The following CD72 variants were observed in gnomAD, a reference collection of about 807,000 sequenced individuals.
CD72 encodes the protein CD72 molecule.
In CD72, 28 loss-of-function variants were observed where a neutral mutation model predicts 50.7. The ratio of observed to expected loss-of-function variants is 0.55; its 90% CI spans 0.41 to 0.76. The LOEUF is 0.76. Ranked by LOEUF, CD72 falls within the 30% of genes least tolerant of loss-of-function variation. CD72 has a pLI of 0.00. For missense variants in CD72, 403 were observed against 420.6 expected, an observed-to-expected ratio of 0.96 and a Z score of 0.37; for synonymous variants, 176 against 171.2, an observed-to-expected ratio of 1.03 and a Z score of -0.22.
At position 35,610,494 on chromosome 9, in the gene CD72, C is replaced by T. The variant is rs1822959507; in HGVS notation, c.*22+108G>A. On this transcript the variant is annotated intron_variant, in intron 8 of 8. Coordinates refer to ENST00000259633, the MANE Select transcript of CD72 (RefSeq NM_001782.3). ...CTGGAGGCTGTGGAGGAACTTTCAT[C>T]CCAGGTACAAGTTTTCTCTCGGGCC... The T allele has an allele frequency of 5.6e-6, 3 of 531,810 alleles. No homozygotes were observed. The Admixed American group carries it at 1.1e-4, about 19-fold the overall frequency. The allele number at this position is 531,810 out of a possible 1,614,324, so 32.9% of individuals were successfully genotyped here. A position where few individuals can be genotyped will look rare whatever the true frequency, so the allele number is the denominator to read the frequency against.
At chr9:35,621,176 G>C (rs1321400427), upstream of CD72, among the ~76,000 whole-genome samples, 1 of 152,352 alleles carries the variant, frequency 6.6e-6, no homozygotes, top group African/African-American at 2.4e-5. Context: ...TGAGGGGTCA[G>C]TGCTGTACAT....
upstream of CD72, among the ~76,000 whole-genome samples, chr9:35,619,345 C>A (rs1823120545): frequency 6.6e-6 from 1 of 152,108 alleles, no homozygotes; most frequent in Non-Finnish European, 1.5e-5. Flanking sequence ...CGGGATGTGA[C>A]CCCTACTAGG....
chr9:35,611,690 G>A (rs772623984), intron 7 of CD72, 114 bp downstream of exon 7: 22 of 636,544 alleles, frequency 3.5e-5, no homozygotes, highest in Non-Finnish European at 5.7e-5. Context: ...GGCAATTACA[G>A]TGTTGATTTA....
chr9:35,611,897 G>A lies in CD72; in HGVS notation c.857C>T (p.Ser286Leu). 1 of 1,599,566 alleles carries A rather than the reference G, an allele frequency of 6.3e-7. No homozygotes were observed. Among genetic ancestry groups the A allele is most frequent in the Non-Finnish European group, 8.6e-7 (1 of 1,166,682 alleles). Residue 286 changes from serine (S) to leucine (L), a missense_variant, in exon 7 of 9, where the codon TCA becomes TTA. Transcript: ENST00000259633. ...CCCTGAACCACCATTTGGCAACAGT[G>A]AATTTAAGAAGTAGTAAGAGTGCTG... ...PQSHSYYFLN[S>L]LLPNGGSGNS... is the part of the protein sequence containing the mutation.
intron 5 of CD72, among the ~76,000 whole-genome samples, chr9:35,614,973 G>A (rs1823044079): frequency 6.6e-6 from 1 of 152,070 alleles, no homozygotes. Context: ...CTGATGGGAA[G>A]GGAGAAAAAG....
At chr9:35,645,897 A>G (rs1823388139) in intron 1 of CD72, among the ~76,000 whole-genome samples, 2 of 151,668 alleles carry the variant, frequency 1.3e-5, no homozygotes, top group South Asian at 4.2e-4. Flanking sequence ...CGGTGGCTCA[A>G]GCCTGTAATC....
chr9:35,616,798 G>C, intron 3 of CD72, 109 bp from the exon 4 acceptor site: 2 of 1,067,592 alleles, frequency 1.9e-6, no homozygotes, highest in Non-Finnish European at 2.8e-6. Flanking sequence ...CCTAAGAGGA[G>C]GGCGGTGCAG....
chr9:35,632,182 C>CTT (rs376745957), intron 1 of CD72, among the ~76,000 whole-genome samples: 24 of 144,976 alleles, frequency 1.7e-4, no homozygotes, highest in South Asian at 6.5e-4. Context: ...ATTTTCTCCT[C>CTT]TTTTTTTTTT....
chr9:35,613,118 C>T (rs1823012436), intron 5 of CD72, 125 bp from the exon 6 acceptor site: 2 of 789,754 alleles, frequency 2.5e-6, no homozygotes, highest in Non-Finnish European at 4.1e-6. Context: ...ATGATCTTTG[C>T]AATCTTTCTT....
chr9:35,625,728 G>A (rs1823189996), intron 1 of CD72, among the ~76,000 whole-genome samples: 1 of 152,222 alleles, frequency 6.6e-6, no homozygotes, highest in South Asian at 2.1e-4. Flanking sequence ...TGGCTTTAAG[G>A]TGAAGCCAGT....
At chr9:35,611,757 G>A in intron 7 of CD72, 47 bp downstream of exon 7, 1 of 982,442 alleles carries the variant, frequency 1.0e-6, no homozygotes, top group Non-Finnish European at 1.7e-6. Context: ...TGTCTTTATG[G>A]AGGGGATTAT....
At chr9:35,643,614 C>T (rs1823359135) in intron 1 of CD72, 1 of 152,162 alleles carries the variant, frequency 6.6e-6, no homozygotes, top group South Asian at 2.1e-4. Flanking sequence ...AGATTGACTT[C>T]TTAGTGCCAC....
chr9:35,615,968 C>G lies in CD72; in HGVS notation c.663G>C (p.Lys221Asn), dbSNP rs1823057292. The G allele has an allele frequency of 6.2e-7, 1 of 1,613,680 alleles. No homozygotes were observed. Among genetic ancestry groups the G allele is most frequent in the Non-Finnish European group, 8.5e-7 (1 of 1,179,942 alleles). ...QKLSNMENRL[K>N]PFFTCGSADT... ...CTGCTGAGCCGCATGTGAAGAAGGG[C>G]TTCAGTCTGTTCTCCATGTTGCTCA... Residue 221 changes from lysine to asparagine, a missense_variant, in exon 5 of 9, where the codon AAG becomes AAC. Coordinates refer to ENST00000259633, the MANE Select transcript of CD72 (RefSeq NM_001782.3).
Position 35,615,948 on chromosome 9 carries a change from G to A in CD72, c.683C>T (p.Ser228Leu). 6.2e-7 allele frequency: 1 copy of A among 1,612,442 alleles called. No homozygotes were observed. Among genetic ancestry groups the A allele is most frequent in the Non-Finnish European group, 8.5e-7 (1 of 1,179,268 alleles). Residue 228 changes from serine (S) to leucine (L), a missense_variant, in exon 5 of 9, where the codon TCA becomes TTA. Transcript: ENST00000259633. Reference sequence around the variant, plus strand: ...CCTCTCCCCAGAGCGGATACCTGCTGAGCCGCATGTGAAGAAGGGCTTCAG... The same window carrying A: ...CCTCTCCCCAGAGCGGATACCTGCTAAGCCGCATGTGAAGAAGGGCTTCAG... ...NRLKPFFTCG[S>L]ADTCCPSGWI...
intron 1 of CD72, among the ~76,000 whole-genome samples, chr9:35,640,629 A>C (rs772370337): frequency 1.3e-5 from 2 of 152,246 alleles, no homozygotes; most frequent in Non-Finnish European, 2.9e-5. Flanking sequence ...ACCCTGCCGG[A>C]TCTGGAGGGA....
rs1563894928 is a variant in CD72, at chr9:35,613,750, C to T, written c.689-757G>A. ...GGGCACAATGGCTCACTTCTGTAATCCCAGCACTTTGGGAGGCCGAGGCGG... is the reference window on the plus strand; with the variant it reads ...GGGCACAATGGCTCACTTCTGTAATTCCAGCACTTTGGGAGGCCGAGGCGG... On this transcript the variant is annotated intron_variant, in intron 5 of 8. Transcript: ENST00000259633. Among the ~76,000 whole-genome samples the T allele has an allele frequency of 3.9e-5, 6 of 152,162 alleles. 1 individual carries two copies. The South Asian group carries it at 1.2e-3, about 31-fold the overall frequency.
In CD72 at chr9:35,610,000, A is replaced by C. The variant is rs1333239867; in HGVS notation, c.*323T>G. 6 of 440,518 alleles carry C rather than the reference A, an allele frequency of 1.4e-5. No homozygotes were observed. The highest frequency in any genetic ancestry group is 4.1e-5 in the Admixed American group (1 of 24,464). The allele number at this position is 440,518 out of a possible 1,614,324, so 27.3% of individuals were successfully genotyped here. ...CGTGCAATTATTTAAAAAGATTTCA[A>C]TAAAACTGCCTGGCTGGCTCCGGGC... On this transcript the variant is annotated 3_prime_UTR_variant, in exon 9 of 9. Transcript: ENST00000259633. This position sits in a 1 kb window ranked among gnomAD's most constrained non-coding sequence, Gnocchi z 6.7.
In CD72 at chr9:35,616,274, C is replaced by A; in HGVS notation, c.357G>T (p.Leu119=). 1 of 1,611,688 alleles carries A rather than the reference C, an allele frequency of 6.2e-7. No homozygotes were observed. Among genetic ancestry groups the A allele is most frequent in the South Asian group, 1.1e-5 (1 of 90,902 alleles). ...TCTGCTGGAGCTGCTGAGACACCTG[C>A]AGATCTGTTTGGCCACAGAGATTTG... ...VTAICLGVRY[L]QVSQQLQQTN... Residue 119 remains leucine, a synonymous_variant, in exon 5 of 9, where the codon CTG becomes CTT. Transcript: ENST00000259633.
chr9:35,623,601 C>T (rs1429188121), upstream of CD72, among the ~76,000 whole-genome samples: 1 of 152,124 alleles, frequency 6.6e-6, no homozygotes, highest in East Asian at 1.9e-4. Context: ...ACCTCCAACC[C>T]CTTTGACCTC....
Sources: gnomAD v4.1 joint callset for allele counts (sites outside exome capture counted in the v4.1 genomes callset) on GRCh38, gnomAD v4.1.1 for gene constraint, Gnocchi (gnomAD v3.1) non-coding constraint, MANE v1.5 for transcripts, NCBI Gene and HGNC (gene_info 2026-07-23, HGNC 2026-07-21) for gene names.